MAPK10: variants seen among roughly 807,000 people sequenced by gnomAD.
MAPK10 encodes JNK3 alpha protein kinase.
Under a neutral mutation model 59.3 loss-of-function variants are expected in MAPK10, and 25 were observed. That is an observed-to-expected ratio of 0.42 (90% CI 0.31 to 0.59). The LOEUF (loss-of-function observed/expected upper bound fraction) is 0.59, where lower values mean the gene tolerates loss of function less well. Among genes scored for constraint, MAPK10 ranks in the 20% least tolerant of loss-of-function variants. The pLI, the probability that MAPK10 is intolerant of heterozygous loss-of-function variation, is 0.15. For missense variants in MAPK10, 351 were observed against 568.9 expected (o/e 0.62, Z 3.90); for synonymous variants, 190 against 200.5 (o/e 0.95, Z 0.44).
chr4:86,356,516 C>T, intron 1 of MAPK10: 1 of 905,094 alleles, frequency 1.1e-6, no homozygotes, highest in Non-Finnish European at 1.3e-6. Flanking sequence ...AATACAGCTT[C>T]TCCCTATTAA....
intron 1 of MAPK10, among the ~76,000 whole-genome samples, chr4:86,494,184 T>C (rs1227305711): frequency 6.6e-6 from 1 of 152,218 alleles, no homozygotes; most frequent in African/African-American, 2.4e-5. Flanking sequence ...AAAATCCTTA[T>C]TTCAGATCAA....
chr4:86,420,789 A>G (rs1186916589), intron 1 of MAPK10, among the ~76,000 whole-genome samples: 1 of 152,070 alleles, frequency 6.6e-6, no homozygotes, highest in Non-Finnish European at 1.5e-5. Flanking sequence ...ACCCTGTCAA[A>G]AAAAGTTAAG....
intron 2 of MAPK10, among the ~76,000 whole-genome samples, chr4:86,251,286 T>G (rs914032553): frequency 1.5e-4 from 23 of 152,108 alleles, no homozygotes; most frequent in Non-Finnish European, 3.2e-4. Context: ...TAACTCGTCA[T>G]CTAGCATTAG....
intron 2 of MAPK10, among the ~76,000 whole-genome samples, chr4:86,318,012 C>T (rs903130205): frequency 6.6e-6 from 1 of 152,146 alleles, no homozygotes; most frequent in Admixed American, 6.6e-5. Flanking sequence ...CTTCCCATTG[C>T]CTTCTCCCAA....
intron 1 of MAPK10, among the ~76,000 whole-genome samples, chr4:86,464,995 G>C (rs537758589): frequency 6.6e-6 from 1 of 152,300 alleles, no homozygotes; most frequent in South Asian, 2.1e-4. Flanking sequence ...CTCAAACACA[G>C]ATACAGCATT....
At chr4:86,521,435 G>A (rs1402484027) in intron 1 of MAPK10, among the ~76,000 whole-genome samples, 1 of 152,164 alleles carries the variant, frequency 6.6e-6, no homozygotes, top group Non-Finnish European at 1.5e-5. Context: ...GCAGGGTTAG[G>A]TGGGTCTGAG....
chr4:86,115,525 G>A (rs2058168713), intron 4 of MAPK10, among the ~76,000 whole-genome samples: 2 of 152,034 alleles, frequency 1.3e-5, no homozygotes, highest in Admixed American at 6.6e-5. Context: ...CCAATGGCAC[G>A]ATCTTGGCTC....
At chr4:86,566,436 G>A (rs745834938) in intron 1 of MAPK10, among the ~76,000 whole-genome samples, 2 of 152,176 alleles carry the variant, frequency 1.3e-5, no homozygotes, top group East Asian at 1.9e-4. Flanking sequence ...AGTCTAGGCC[G>A]GGCGCGGTGG....
intron 9 of MAPK10, among the ~76,000 whole-genome samples, chr4:86,082,695 A>G (rs2050910598): frequency 6.6e-6 from 1 of 152,188 alleles, no homozygotes; most frequent in South Asian, 2.1e-4. Flanking sequence ...GAACTTATCT[A>G]GATAAGTTGG....
In MAPK10 at chr4:86,240,389, G is replaced by T. The variant is rs1429357634; in HGVS notation, c.-6-45982C>A. ...CCACTTGGTCTAGAGCTGAGTTCAC[G>T]TCCCAAATATCCTTGTTAATTTTCT... On this transcript the variant is annotated intron_variant, in intron 2 of 13. Transcript: ENST00000641462. Among the ~76,000 whole-genome samples the T allele has an allele frequency of 3.3e-5, 5 of 152,132 alleles. No individual in the cohort carries two copies. The East Asian group carries it at 7.7e-4, about 23-fold the overall frequency.
chr4:86,182,578 G>A (rs2077155061), intron 3 of MAPK10, among the ~76,000 whole-genome samples: 2 of 152,094 alleles, frequency 1.3e-5, no homozygotes. Context: ...AAGGATCTGT[G>A]AGATGCCCCA....
intron 3 of MAPK10, among the ~76,000 whole-genome samples, chr4:86,179,498 T>C (rs1387347394): frequency 6.6e-6 from 1 of 151,386 alleles, no homozygotes; most frequent in Non-Finnish European, 1.5e-5. Flanking sequence ...GGAAAAAAAA[T>C]CCAAAAATTT....
At chr4:86,026,180 G>A (rs1425879531) in intron 13 of MAPK10, among the ~76,000 whole-genome samples, 1 of 152,184 alleles carries the variant, frequency 6.6e-6, no homozygotes, top group African/African-American at 2.4e-5. Flanking sequence ...TTATCTTAGT[G>A]AGTCACTGTT....
intron 2 of MAPK10, among the ~76,000 whole-genome samples, chr4:86,207,133 C>G (rs538522510): frequency 9.3e-5 from 14 of 151,120 alleles, no homozygotes; most frequent in Admixed American, 5.9e-4. Flanking sequence ...TGCCTATGTC[C>G]TGAATGGTAA....
At chr4:86,440,528 G>A (rs915126001) in intron 1 of MAPK10, among the ~76,000 whole-genome samples, 1 of 151,912 alleles carries the variant, frequency 6.6e-6, no homozygotes, top group African/African-American at 2.4e-5. Flanking sequence ...CTACTTAGGA[G>A]GCTGAGGTGG....
chr4:86,465,725 C>A (rs1752139929), intron 1 of MAPK10, among the ~76,000 whole-genome samples: 1 of 152,174 alleles, frequency 6.6e-6, no homozygotes, highest in Non-Finnish European at 1.5e-5. Context: ...CATCAGGACA[C>A]CTGAAACCTT....
chr4:86,365,863 T>C (rs1737794810), intron 1 of MAPK10, among the ~76,000 whole-genome samples: 1 of 146,274 alleles, frequency 6.8e-6, no homozygotes. Flanking sequence ...TAAGAGTTTT[T>C]GAAGGAAGAG....
intron 4 of MAPK10, among the ~76,000 whole-genome samples, chr4:86,117,318 A>G (rs2058438602): frequency 6.6e-6 from 1 of 152,178 alleles, no homozygotes; most frequent in Non-Finnish European, 1.5e-5. Context: ...TTACCACTTT[A>G]ATAAACTATC....
intron 9 of MAPK10, chr4:86,091,147 C>T (rs888116307): frequency 6.6e-6 from 1 of 151,460 alleles, no homozygotes; most frequent in African/African-American, 2.4e-5. Context: ...CATAGCAAGT[C>T]CCCAATAAAT....
Sources: allele counts gnomAD v4.1 joint callset (sites outside exome capture counted in the v4.1 genomes callset), GRCh38; gene constraint gnomAD v4.1.1; transcripts MANE v1.5; gene names NCBI Gene and HGNC (gene_info 2026-07-23, HGNC 2026-07-21).